NOXRED1: variants seen among roughly 807,000 people sequenced by gnomAD.
NOXRED1 encodes the protein NADP-dependent oxidoreductase domain-containing protein 1.
In NOXRED1, 20 loss-of-function variants were observed where a neutral mutation model predicts 30.4. The ratio of observed to expected loss-of-function variants is 0.66; its 90% CI spans 0.46 to 0.96. The LOEUF (loss-of-function observed/expected upper bound fraction) is 0.96. Ranked by LOEUF, NOXRED1 falls within the 40% of genes least tolerant of loss-of-function variation. The pLI, the probability that NOXRED1 is intolerant of heterozygous loss-of-function variation, is 0.00. For synonymous variants in NOXRED1, 155 were observed against 168.0 expected, an observed-to-expected ratio of 0.92 and a Z score of 0.60; for missense variants, 374 against 428.0, an observed-to-expected ratio of 0.87 and a Z score of 1.11.
At chr14:77,399,837 T>G (rs1402284209) in intron 5 of NOXRED1, among the ~76,000 whole-genome samples, 1 of 152,020 alleles carries the variant, frequency 6.6e-6, no homozygotes, top group African/African-American at 2.4e-5. Context: ...TTCCCCCAAA[T>G]TAATGTCAGA....
At chr14:77,398,813 AC>A (rs973417811) in intron 5 of NOXRED1, among the ~76,000 whole-genome samples, 5 of 152,048 alleles carry the variant, frequency 3.3e-5, no homozygotes, top group African/African-American at 1.2e-4. Flanking sequence ...TACTAAAAAT[AC>A]AAAAATTAGC....
At chr14:77,419,446 C>CTTTTTTTT (rs35341872) in intron 1 of NOXRED1, among the ~76,000 whole-genome samples, 1 of 91,516 alleles carries the variant, frequency 1.1e-5, no homozygotes, top group African/African-American at 3.7e-5. Context: ...TTTCTTTTTC[C>CTTTTTTTT]TTTTTTTTTT....
In NOXRED1 at chr14:77,407,591, C is replaced by T. The variant is rs144303515; in HGVS notation, c.404G>A (p.Ser135Asn). ...KCFYHNADLVSWADVIFLCCL... is the reference protein window; with the variant it reads ...KCFYHNADLVNWADVIFLCCL... Reference sequence around the variant, plus strand: ...GCAGAGGAATATCACATCGGCCCAACTCACCAGATCAGCGTTATGGTAAAA... The same window carrying T: ...GCAGAGGAATATCACATCGGCCCAATTCACCAGATCAGCGTTATGGTAAAA... The change falls in exon 3 of 6, where the codon AGT becomes AAT. Residue 135 changes from serine to asparagine, a missense_variant. Transcript: ENST00000380835. 6 of 1,613,982 alleles carry T rather than the reference C, an allele frequency of 3.7e-6. No homozygotes were observed. Among genetic ancestry groups the T allele is most frequent in the Non-Finnish European group, 5.1e-6 (6 of 1,179,952 alleles).
intron 1 of NOXRED1, among the ~76,000 whole-genome samples, chr14:77,414,618 CTGAGT>C (rs1894763360): frequency 6.6e-6 from 1 of 152,164 alleles, no homozygotes. Context: ...AATGTTCCTC[CTGAGT>C]TAATTTTCCA....
intron 5 of NOXRED1, among the ~76,000 whole-genome samples, chr14:77,395,494 T>C (rs1204371582): frequency 2.0e-5 from 3 of 152,080 alleles, no homozygotes; most frequent in African/African-American, 7.2e-5. Flanking sequence ...TAAGATATCC[T>C]CTTTAGCTGT....
intron 5 of NOXRED1, among the ~76,000 whole-genome samples, chr14:77,395,109 C>CTTTT (rs35389923): frequency 2.2e-5 from 3 of 137,636 alleles, no homozygotes; most frequent in Non-Finnish European, 3.1e-5. Flanking sequence ...TTTTTTCTTT[C>CTTTT]TTTTTTTTTT....
upstream of NOXRED1, among the ~76,000 whole-genome samples, chr14:77,423,957 C>T (rs147712728): frequency 5.3e-5 from 8 of 152,328 alleles, no homozygotes; most frequent in East Asian, 3.9e-4. Flanking sequence ...CCAAAAGGAA[C>T]GCCTACACCC....
chr14:77,424,925 GTTGT>G, upstream of NOXRED1, among the ~76,000 whole-genome samples: 1 of 152,346 alleles, frequency 6.6e-6, no homozygotes, highest in South Asian at 2.1e-4. Context: ...CACACATGTT[GTTGT>G]TTATCTGCTG....
intron 4 of NOXRED1, 132 bp from the exon 5 acceptor site, chr14:77,406,267 A>C: frequency 3.1e-6 from 2 of 642,640 alleles, no homozygotes; most frequent in Non-Finnish European, 5.5e-6. Context: ...CCACAAGATA[A>C]GCAAACATTC....
chr14:77,404,976 A>T (rs927866465), intron 5 of NOXRED1, among the ~76,000 whole-genome samples: 3 of 152,236 alleles, frequency 2.0e-5, no homozygotes, highest in African/African-American at 7.2e-5. Flanking sequence ...AAATGTAAAC[A>T]AGTACCACAT....
intron 4 of NOXRED1, 71 bp from the exon 5 acceptor site, chr14:77,406,206 C>T: frequency 1.8e-6 from 2 of 1,084,502 alleles, no homozygotes; most frequent in Non-Finnish European, 2.7e-6. Context: ...CTAGAATAAA[C>T]CCCTGACAGT....
chr14:77,400,721 G>A (rs951841246), intron 5 of NOXRED1, among the ~76,000 whole-genome samples: 1 of 152,186 alleles, frequency 6.6e-6, no homozygotes, highest in Non-Finnish European at 1.5e-5. Flanking sequence ...ATGTTTAAAT[G>A]TATGTTGCAA....
chr14:77,406,943 G>A, intron 3 of NOXRED1, 68 bp from the exon 4 acceptor site: 1 of 1,425,668 alleles, frequency 7.0e-7, no homozygotes, highest in African/African-American at 1.4e-5. Context: ...AACCCACTGT[G>A]TTTACATCCA....
intron 5 of NOXRED1, 24 bp from the exon 6 acceptor site, chr14:77,394,829 CTT>C: frequency 6.4e-7 from 1 of 1,574,298 alleles, no homozygotes; most frequent in Non-Finnish European, 8.7e-7. Context: ...AATATTGTTA[CTT>C]TTTTATGTCT....
rs757881817 is a variant in NOXRED1 at position 77,413,952 on chromosome 14, G to A, written c.331C>T (p.Arg111Trp). The A allele has an allele frequency of 4.4e-6, 7 of 1,592,898 alleles. No individual in the cohort carries two copies. The highest frequency in any genetic ancestry group is 1.9e-4 in the Middle Eastern group (1 of 5,292). The change falls in exon 2 of 6, where the codon CGG becomes TGG. Residue 111 changes from arginine (R) to tryptophan (W), a missense_variant. Arg to Trp is a moderately radical substitution (Grantham distance 101). Coordinates refer to ENST00000380835, the MANE Select transcript of NOXRED1 (RefSeq NM_001113475.3). Reference protein sequence around the residue: ...IPAESLRISTRRPETLGELQK... With the variant: ...IPAESLRISTWRPETLGELQK... ...TCCTCACCCAGAGTCTCTGGCCTCC[G>A]AGTGGAGATCCGCAGGCTTTCAGCA...
intron 1 of NOXRED1, among the ~76,000 whole-genome samples, chr14:77,414,346 A>G (rs1342080036): frequency 6.6e-6 from 1 of 151,744 alleles, no homozygotes; most frequent in African/African-American, 2.4e-5. Flanking sequence ...CTCCCGGCTA[A>G]TTTTTTGTAT....
Position 77,394,646 on chromosome 14 carries a change from G to A in NOXRED1, c.1065C>T (p.Gly355=), listed in dbSNP as rs750767960. 3 of 1,611,910 alleles carry A rather than the reference G, an allele frequency of 1.9e-6. No individual in the cohort carries two copies. The highest frequency in any genetic ancestry group is 1.7e-6 in the Non-Finnish European group (2 of 1,178,814). ...CTGAGTTCTCTTATTGGGATGGAAA[G>A]CCTGTGGAAATGACTGGCTGTTCTT... is the stretch of plus-strand genomic sequence containing the variant. ...LTKEQPVIST[G]FPSQ The change falls in exon 6 of 6, where the codon GGC becomes GGT. Residue 355 remains glycine, a synonymous_variant. Coordinates refer to ENST00000380835, the MANE Select transcript of NOXRED1 (RefSeq NM_001113475.3).
Position 77,407,454 on chromosome 14 carries a change from T to G in NOXRED1, c.530+11A>C. 1 of 1,606,622 alleles carries G rather than the reference T, an allele frequency of 6.2e-7. No homozygotes were observed. Among genetic ancestry groups the G allele is most frequent in the Non-Finnish European group, 8.5e-7 (1 of 1,173,546 alleles). ...AGTTGTGCCAGTTCCATTCTCACCC[T>G]AACAAGATACCTGGGTAGTGGGATG... On this transcript the variant is annotated intron_variant, in intron 3 of 5. Coordinates refer to ENST00000380835, the MANE Select transcript of NOXRED1 (RefSeq NM_001113475.3).
Position 77,413,952 on chromosome 14 carries a change from G to C in NOXRED1, c.331C>G (p.Arg111Gly), listed in dbSNP as rs757881817. The stretch of plus-strand genomic sequence containing the variant: ...TCCTCACCCAGAGTCTCTGGCCTCC[G>C]AGTGGAGATCCGCAGGCTTTCAGCA... ...IPAESLRIST[R>G]RPETLGELQK... Residue 111 changes from arginine (R) to glycine (G), a missense_variant, in exon 2 of 6, where the codon CGG becomes GGG. By Grantham distance (125) the Arg-to-Gly change is moderately radical. Coordinates refer to ENST00000380835, the MANE Select transcript of NOXRED1 (RefSeq NM_001113475.3). The C allele has an allele frequency of 1.3e-6, 2 of 1,593,016 alleles. No homozygotes were observed. Among genetic ancestry groups the C allele is most frequent in the East Asian group, 2.3e-5 (1 of 44,248 alleles).
Sources: allele counts gnomAD v4.1 joint callset (sites outside exome capture counted in the v4.1 genomes callset), GRCh38; gene constraint gnomAD v4.1.1; transcripts MANE v1.5; gene names NCBI Gene and HGNC (gene_info 2026-07-23, HGNC 2026-07-21).